The following CCDC7 variants were observed in gnomAD, a reference collection of about 807,000 sequenced individuals.
CCDC7 encodes the protein coiled-coil domain-containing protein 7.
A neutral mutation model predicts 196.9 loss-of-function variants in CCDC7; 183 were observed. The ratio of observed to expected loss-of-function variants is 0.93; its 90% confidence interval spans 0.82 to 1.05. CCDC7 has a LOEUF of 1.05. CCDC7 is among the 50% of genes least tolerant of loss of function. The probability of loss-of-function intolerance (pLI) is 0.00; values close to 1 mark genes in which losing one functional copy is unlikely to be tolerated. For missense variants in CCDC7, 1,540 were observed against 1,482.2 expected (o/e 1.04, Z -0.64); for synonymous variants, 525 against 484.6 (o/e 1.08, Z -1.10).
chr10:32,542,264 C>T (rs183449816), intron 11 of CCDC7, among the ~76,000 whole-genome samples: 8 of 152,176 alleles, frequency 5.3e-5, no homozygotes, highest in Admixed American at 2.6e-4. Flanking sequence ...AAACTTGTTC[C>T]AACATAATTG....
At chr10:32,691,171 C>A (rs1016641489) in intron 23 of CCDC7, among the ~76,000 whole-genome samples, 1 of 152,146 alleles carries the variant, frequency 6.6e-6, no homozygotes, top group Non-Finnish European at 1.5e-5. Flanking sequence ...GAAGTTTGAG[C>A]AAAAGTAGTG....
intron 28 of CCDC7, among the ~76,000 whole-genome samples, chr10:32,748,276 G>A (rs371838768): frequency 2.6e-5 from 4 of 151,970 alleles, no homozygotes; most frequent in African/African-American, 9.7e-5. Context: ...CACTACCTGG[G>A]TGACAAAATA....
At chr10:32,816,704 C>T (rs2088667608) in intron 31 of CCDC7, among the ~76,000 whole-genome samples, 1 of 152,200 alleles carries the variant, frequency 6.6e-6, no homozygotes, top group Admixed American at 6.5e-5. Context: ...GCAGCCTCCG[C>T]TGCTGATACC....
chr10:32,731,958 CAGG>C lies in CCDC7; in HGVS notation c.2905+2504_2905+2506del, dbSNP rs2084051265. Among the ~76,000 whole-genome samples the C allele has an allele frequency of 4.6e-5, 7 of 152,228 alleles. 1 individual carries two copies. In the South Asian group the frequency reaches 1.2e-3, roughly 27 times the overall value. ...GTCCCGGCTACTTGGGAGGCTGAGA[CAGG>C]AGAATTGCTTGAATCCGTGAAGCGC... On this transcript the variant is annotated intron_variant, in intron 28 of 41. Transcript: ENST00000639629.
At chr10:32,727,280 G>C (rs1220626676) in intron 26 of CCDC7, among the ~76,000 whole-genome samples, 3 of 152,124 alleles carry the variant, frequency 2.0e-5, no homozygotes, top group Admixed American at 6.6e-5. Context: ...AGTCCTGAAG[G>C]CTTGTTGGTT....
intron 20 of CCDC7, among the ~76,000 whole-genome samples, chr10:32,660,215 G>T (rs1241172721): frequency 6.9e-6 from 1 of 145,644 alleles, no homozygotes; most frequent in Admixed American, 7.0e-5. Flanking sequence ...ATGCTGGTGC[G>T]CTGCACCCAC....
At chr10:32,673,097 T>C (rs779347993) in intron 21 of CCDC7, among the ~76,000 whole-genome samples, 1 of 152,204 alleles carries the variant, frequency 6.6e-6, no homozygotes, top group Non-Finnish European at 1.5e-5. Context: ...AGAAGATAAG[T>C]TCACAATATG....
At chr10:32,514,259 A>G (rs1025340332) in intron 9 of CCDC7, 9 of 152,182 alleles carry the variant, frequency 5.9e-5, no homozygotes, top group Non-Finnish European at 1.2e-4. Context: ...GGGTGACCTT[A>G]TTTGGAAACA....
chr10:32,669,420 CTCT>C (rs1295502121), intron 21 of CCDC7, among the ~76,000 whole-genome samples: 26 of 152,014 alleles, frequency 1.7e-4, no homozygotes, highest in Non-Finnish European at 3.1e-4. Flanking sequence ...GAAGTGATCT[CTCT>C]TCTTCTATTT....
intron 29 of CCDC7, among the ~76,000 whole-genome samples, chr10:32,787,962 G>A (rs77093033): frequency 0.086 from 13,088 of 152,184 alleles, 848 homozygotes; most frequent in East Asian, 0.33. Context: ...CACAGATTCA[G>A]CCTCTAGTCT....
chr10:32,721,530 A>G (rs1479408989), intron 25 of CCDC7, among the ~76,000 whole-genome samples: 1 of 152,084 alleles, frequency 6.6e-6, no homozygotes, highest in East Asian at 1.9e-4. Context: ...AACATAATAT[A>G]TGGGTGTCAT....
At chr10:32,516,048 C>T (rs2046981768) in intron 9 of CCDC7, among the ~76,000 whole-genome samples, 1 of 150,704 alleles carries the variant, frequency 6.6e-6, no homozygotes, top group African/African-American at 2.4e-5. Context: ...TCTTGTGCTG[C>T]AAATGATACT....
At chr10:32,483,307 G>A (rs2040340451) in intron 8 of CCDC7, among the ~76,000 whole-genome samples, 1 of 152,186 alleles carries the variant, frequency 6.6e-6, no homozygotes, top group Non-Finnish European at 1.5e-5. Flanking sequence ...CTTTTGAGAA[G>A]TGTCTGTTCA....
At chr10:32,553,734 T>C (rs1473053880) in intron 13 of CCDC7, among the ~76,000 whole-genome samples, 1 of 152,124 alleles carries the variant, frequency 6.6e-6, no homozygotes, top group African/African-American at 2.4e-5. Context: ...GGGCTGCTAT[T>C]GGGGGTTGTT....
At chr10:32,706,086 A>G (rs1191474229) in intron 24 of CCDC7, among the ~76,000 whole-genome samples, 6 of 152,114 alleles carry the variant, frequency 3.9e-5, no homozygotes, top group Non-Finnish European at 7.4e-5. Context: ...ACTCCTCAGC[A>G]AATGTAAAAG....
chr10:32,744,301 A>G (rs2074328842), intron 28 of CCDC7, among the ~76,000 whole-genome samples: 1 of 152,054 alleles, frequency 6.6e-6, no homozygotes, highest in African/African-American at 2.4e-5. Flanking sequence ...ATGTAGAGAG[A>G]CTAACAAAAT....
At chr10:32,798,378 G>A (rs996499727) in intron 29 of CCDC7, among the ~76,000 whole-genome samples, 2 of 152,178 alleles carry the variant, frequency 1.3e-5, no homozygotes, top group Admixed American at 6.5e-5. Context: ...CTCCATCCCT[G>A]CCACCATGGC....
chr10:32,873,053 T>C (rs973868114), intron 41 of CCDC7, among the ~76,000 whole-genome samples: 3 of 152,086 alleles, frequency 2.0e-5, no homozygotes, highest in African/African-American at 7.2e-5. Context: ...TTTTTGGCTT[T>C]CTCTGTATTT....
At chr10:32,714,787 G>T (rs1001095684) in intron 25 of CCDC7, among the ~76,000 whole-genome samples, 1 of 152,164 alleles carries the variant, frequency 6.6e-6, no homozygotes, top group Non-Finnish European at 1.5e-5. Context: ...TGGGAAGTTC[G>T]AATTCGGTGC....
Sources: gnomAD v4.1 joint callset for allele counts (sites outside exome capture counted in the v4.1 genomes callset) on GRCh38, gnomAD v4.1.1 for gene constraint, MANE v1.5 for transcripts, NCBI Gene and HGNC (gene_info 2026-07-23, HGNC 2026-07-21) for gene names.